F8: variants seen among roughly 807,000 people sequenced by gnomAD.
F8 encodes coagulation factor VIII.
A neutral mutation model predicts 140.6 loss-of-function variants in F8; 12 were observed. That is an observed-to-expected ratio of 0.09 (90% CI 0.05 to 0.14). F8 has a LOEUF of 0.14. Among genes scored for constraint, F8 ranks in the 10% least tolerant of loss-of-function variants. F8 has a pLI of 1.00. For synonymous variants in F8, 585 were observed against 614.6 expected (o/e 0.95, Z 0.71); for missense variants, 1,354 against 1,720.7 (o/e 0.79, Z 3.77).
At chrX:154,936,518 G>T (rs1289557764) in intron 13 of F8, among the ~76,000 whole-genome samples, 2 of 112,013 alleles carry the variant, frequency 1.8e-5, no homozygotes, top group African/African-American at 6.5e-5. Flanking sequence ...AAAGATGAAA[G>T]AATTGATTTA....
chrX:154,924,794 A>C (rs2073151320), intron 14 of F8, among the ~76,000 whole-genome samples: 1 of 112,501 alleles, frequency 8.9e-6, no homozygotes, highest in Non-Finnish European at 1.9e-5. Flanking sequence ...CGCAGGCTCA[A>C]CATCATGTGG....
chrX:154,991,404 T>A (rs781803160), intron 4 of F8, among the ~76,000 whole-genome samples: 1 of 112,410 alleles, frequency 8.9e-6, no homozygotes, highest in Admixed American at 9.4e-5. Context: ...TTCTAGTGTC[T>A]TTTCTCTATA....
chrX:154,983,230 T>G (rs1258814261), intron 6 of F8, among the ~76,000 whole-genome samples: 1 of 112,783 alleles, frequency 8.9e-6, no homozygotes, highest in Non-Finnish European at 1.9e-5. Flanking sequence ...TATTGTTACC[T>G]TATTTTTAAG....
chrX:155,002,613 A>G, intron 1 of F8, among the ~76,000 whole-genome samples: 1 of 39,703 alleles, frequency 2.5e-5, no homozygotes, highest in South Asian at 1.3e-3. Flanking sequence ...GCATATATTT[A>G]CACACACACA....
intron 22 of F8, among the ~76,000 whole-genome samples, chrX:154,879,895 C>T (rs1569559411): frequency 9.0e-6 from 1 of 111,560 alleles, no homozygotes; most frequent in Admixed American, 9.5e-5. Flanking sequence ...CTTGCTTCCC[C>T]TTTACCTGCT....
intron 12 of F8, among the ~76,000 whole-genome samples, chrX:154,953,394 G>C (rs2073347521): frequency 8.9e-6 from 1 of 111,988 alleles, no homozygotes; most frequent in Admixed American, 9.5e-5. Context: ...AAGGGAGAAA[G>C]CCATCTACAA....
chrX:154,881,965 A>G lies in F8; in HGVS notation c.6429+14112T>C, dbSNP rs2072866283. ...AGGACACTAAAGAGTCCAACAAAAG[A>G]AAAAAAAAAAAAACTGAGACGGTTT... On this transcript the variant is annotated intron_variant, in intron 22 of 25. Transcript: ENST00000360256. 4 of 157,192 alleles carry G rather than the reference A, an allele frequency of 2.5e-5. No individual in the cohort carries two copies. In the East Asian group the frequency reaches 3.0e-4, roughly 12 times the overall value. The allele number at this position is 157,192 out of a possible 1,213,427, so 13.0% of individuals were successfully genotyped here.
chrX:154,887,414 TG>T, intron 22 of F8: 1 of 1,042,082 alleles, frequency 9.6e-7, no homozygotes, highest in Non-Finnish European at 1.3e-6. Flanking sequence ...ATGTGGCCAC[TG>T]TTGACTGCTG....
At chrX:155,010,653 C>T (rs1315718046) in intron 1 of F8, among the ~76,000 whole-genome samples, 2 of 110,668 alleles carry the variant, frequency 1.8e-5, no homozygotes, top group African/African-American at 6.6e-5. Context: ...TATACTCAAA[C>T]TATTATTCTC....
chrX:154,957,919 T>C (rs1557281347), intron 10 of F8, among the ~76,000 whole-genome samples: 1 of 107,162 alleles, frequency 9.3e-6, no homozygotes, highest in African/African-American at 3.4e-5. Flanking sequence ...AGAAAGGGAA[T>C]GGTGTAGTAT....
At chrX:154,905,283 G>A (rs151182424) in intron 15 of F8, among the ~76,000 whole-genome samples, 1,770 of 111,250 alleles carry the variant, frequency 0.016, 25 homozygotes, top group South Asian at 0.11. Context: ...CCATTCCAGA[G>A]TAAAAGGGAA....
At chrX:154,962,655 C>T (rs1287230742) in intron 9 of F8, among the ~76,000 whole-genome samples, 2 of 111,452 alleles carry the variant, frequency 1.8e-5, no homozygotes, top group African/African-American at 6.5e-5. Context: ...CGTTTGAGCC[C>T]AGGACTTCAA....
In F8 at chrX:154,924,465, G is replaced by T. The variant is rs781857924; in HGVS notation, c.5219+4106C>A. 1.4e-4 allele frequency among the ~76,000 whole-genome samples: 16 copies of T among 112,336 alleles called. No homozygotes were observed. In the East Asian group the frequency reaches 2.2e-3, roughly 16 times the overall value. The stretch of plus-strand genomic sequence containing the variant: ...CAAAGGTAACTCTTGTTATGTTTTA[G>T]CAAAGATACTGGTGGCATTTTGCTC... On this transcript the variant is annotated intron_variant, in intron 14 of 25. Coordinates refer to ENST00000360256, the MANE Select transcript of F8 (RefSeq NM_000132.4).
chrX:154,871,413 C>T (rs2072772660), intron 22 of F8, among the ~76,000 whole-genome samples: 1 of 112,220 alleles, frequency 8.9e-6, no homozygotes, highest in Non-Finnish European at 1.9e-5. Context: ...ACCATATGAT[C>T]TTTGACAAAC....
At chrX:154,931,819 G>A in intron 13 of F8, 143 bp from the exon 14 acceptor site, 3 of 527,837 alleles carry the variant, frequency 5.7e-6, no homozygotes, top group Non-Finnish European at 9.3e-6. Flanking sequence ...TAAATCCCTG[G>A]AACATGTAAT....
chrX:154,904,507 T>C lies in F8; in HGVS notation c.5604A>G (p.Ser1868=). 1.7e-6 allele frequency: 2 copies of C among 1,208,198 alleles called. No homozygotes were observed. Among genetic ancestry groups the C allele is most frequent in the South Asian group, 1.8e-5 (1 of 56,900 alleles). ...AGACCAGAAGGGGTCCAATCAGGCC[T>C]GAGTGCACATCTTTTTCCTAGGGAG... ...SDVDLEKDVH[S]GLIGPLLVCH... is the part of the protein sequence containing the mutation. The change falls in exon 17 of 26, where the codon TCA becomes TCG. Residue 1868 remains serine, a synonymous_variant. Coordinates refer to ENST00000360256, the MANE Select transcript of F8 (RefSeq NM_000132.4).
chrX:154,898,053 A>G (rs2072991459), intron 21 of F8: 1 of 112,219 alleles, frequency 8.9e-6, no homozygotes, highest in African/African-American at 3.2e-5. Flanking sequence ...GGTGGTAATG[A>G]GTTTCACTGT....
At chrX:154,861,199 G>A (rs2072688425) in intron 24 of F8, among the ~76,000 whole-genome samples, 1 of 110,430 alleles carries the variant, frequency 9.1e-6, no homozygotes, top group Non-Finnish European at 1.9e-5. Context: ...TAGAACTCCT[G>A]ACCTTGTGAT....
At chrX:154,861,911 G>T in intron 23 of F8, 45 bp from the exon 24 acceptor site, 1 of 1,187,596 alleles carries the variant, frequency 8.4e-7, no homozygotes, top group Non-Finnish European at 1.1e-6. Flanking sequence ...ACATGCTTCA[G>T]CCTCAGTTAT....
Sources: gnomAD v4.1 joint callset for allele counts (sites outside exome capture counted in the v4.1 genomes callset) on GRCh38, gnomAD v4.1.1 for gene constraint, MANE v1.5 for transcripts, NCBI Gene and HGNC (gene_info 2026-07-23, HGNC 2026-07-21) for gene names.